The following RNF213 variants were observed in gnomAD, a reference collection of about 807,000 sequenced individuals.
The protein encoded by RNF213 is E3 ubiquitin-protein ligase RNF213.
Under a neutral mutation model 514.4 loss-of-function variants are expected in RNF213, and 341 were observed. The observed-to-expected ratio is 0.66, with a 90% confidence interval of 0.61 to 0.73. The LOEUF is 0.73. Among genes scored for constraint, RNF213 ranks in the 30% least tolerant of loss-of-function variants. The pLI, the probability that RNF213 is intolerant of heterozygous loss-of-function variation, is 0.00. For missense variants in RNF213, 5,767 were observed against 6,615.6 expected (o/e 0.87, Z 4.45); for synonymous variants, 2,655 against 2,658.2 (o/e 1.00, Z 0.04).
chr17:80,324,709 G>A (rs1568073215), intron 17 of RNF213, among the ~76,000 whole-genome samples: 1 of 151,752 alleles, frequency 6.6e-6, no homozygotes, highest in Admixed American at 6.6e-5. Flanking sequence ...TTCATTTTTG[G>A]TATTTTTCAT....
At chr17:80,327,135 C>A (rs1179613086) in intron 18 of RNF213, among the ~76,000 whole-genome samples, 5 of 152,168 alleles carry the variant, frequency 3.3e-5, no homozygotes, top group African/African-American at 1.2e-4. Context: ...TCCTCTGGTG[C>A]AGTTTCTTCT....
intron 15 of RNF213, chr17:80,316,249 C>T (rs541233216): frequency 6.6e-6 from 1 of 151,934 alleles, no homozygotes; most frequent in African/African-American, 2.4e-5. Context: ...GAGACCCTGT[C>T]TCTTAAAATA....
chr17:80,374,555 A>G lies in RNF213; in HGVS notation c.13040A>G (p.Glu4347Gly). The G allele has an allele frequency of 6.2e-7, 1 of 1,614,190 alleles. No individual in the cohort carries two copies. Among genetic ancestry groups the G allele is most frequent in the Non-Finnish European group, 8.5e-7 (1 of 1,180,030 alleles). Residue 4347 changes from glutamate to glycine, a missense_variant, in exon 50 of 68, where the codon GAG (glutamate) becomes GGG (glycine). Glu to Gly is a moderately conservative substitution (Grantham distance 98). Around this residue, in one of 13 missense-constraint regions of RNF213, gnomAD observed 1,245 missense variants for 1,339.0 expected, o/e 0.93. Transcript: ENST00000582970. ...LRDAVAKAVL[E>G]CKPLGIKTAL... ...GATGCTGTGGCCAAAGCTGTCCTCG[A>G]GTGCAAGCCACTGGGCATTAAGACT...
At chr17:80,335,619 G>A (rs1411690202) in intron 22 of RNF213, among the ~76,000 whole-genome samples, 2 of 152,142 alleles carry the variant, frequency 1.3e-5, no homozygotes, top group African/African-American at 4.8e-5. Flanking sequence ...ACACAGAAGT[G>A]CAGTACAGTG....
chr17:80,360,199 C>G lies in RNF213; in HGVS notation c.11193C>G (p.Asp3731Glu), dbSNP rs141625043. The G allele has an allele frequency of 1.2e-6, 2 of 1,612,772 alleles. No homozygotes were observed. Among genetic ancestry groups the G allele is most frequent in the East Asian group, 2.2e-5 (1 of 44,866 alleles). The change falls in exon 38 of 68, where the codon GAC becomes GAG. Residue 3731 changes from aspartate (D) to glutamate (E), a missense_variant. Physicochemically the swap from Asp to Glu is conservative, Grantham distance 45. Transcript: ENST00000582970. ...ELWVQAQYIT[D>E]AEGLPKKFVD... ...GGGTCCAGGCTCAGTACATCACAGA[C>G]GCAGAAGGTGAGGCTACCTCAAGAC...
chr17:80,275,798 G>T (rs1367919971), intron 3 of RNF213, among the ~76,000 whole-genome samples: 2 of 152,068 alleles, frequency 1.3e-5, no homozygotes, highest in Non-Finnish European at 2.9e-5. Context: ...GAGTAGCTGG[G>T]ACTACAGGCA....
At chr17:80,354,668 G>A in intron 36 of RNF213, 92 bp downstream of exon 36, 7 of 1,478,682 alleles carry the variant, frequency 4.7e-6, no homozygotes, top group Non-Finnish European at 6.6e-6. Flanking sequence ...CGGGCCATGG[G>A]GACTGAGCTG....
chr17:80,346,117 C>G lies in RNF213; in HGVS notation c.7782C>G (p.Ile2594Met), dbSNP rs745974784. 68 of 1,614,048 alleles carry G rather than the reference C, an allele frequency of 4.2e-5. No homozygotes were observed. Among genetic ancestry groups the G allele is most frequent in the Non-Finnish European group, 5.6e-5 (66 of 1,180,044 alleles). Residue 2594 changes from isoleucine to methionine, a missense_variant, in exon 29 of 68, where the codon ATC becomes ATG. By Grantham distance (10) the Ile-to-Met change is conservative. Transcript: ENST00000582970. The surrounding 1 kb of genome is among the most constrained non-coding windows in gnomAD (Gnocchi z 8.1). ...GTGACGTTGCTGAAAAGCTCTACAT[C>G]CAGCAGATTGTCCAGAGACTGGTTG... Reference protein sequence around the residue: ...QLSDVAEKLYIQQIVQRLVES... With the variant: ...QLSDVAEKLYMQQIVQRLVES...
At position 80,347,661 on chromosome 17, in the gene RNF213, A is replaced by G. The variant is rs1441987115; in HGVS notation, c.9326A>G (p.Tyr3109Cys). Residue 3109 changes from tyrosine (Y) to cysteine (C), a missense_variant, in exon 29 of 68, where the codon TAC (tyrosine) becomes TGC (cysteine). Coordinates refer to ENST00000582970, the MANE Select transcript of RNF213 (RefSeq NM_001256071.3). This position sits in a 1 kb window ranked among gnomAD's most constrained non-coding sequence, Gnocchi z 7.2. Reference sequence around the variant, plus strand: ...TTGCTTCTCAACCTGCAGAACCTCTACGAGAGCCTCTACGACGCACTCAAC... The same window carrying G: ...TTGCTTCTCAACCTGCAGAACCTCTGCGAGAGCCTCTACGACGCACTCAAC... ...MVLLLNLQNLYESLYDALNQY... is the reference protein window; with the variant it reads ...MVLLLNLQNLCESLYDALNQY... The G allele has an allele frequency of 1.9e-6, 3 of 1,614,136 alleles. No homozygotes were observed. Among genetic ancestry groups the G allele is most frequent in the African/African-American group, 1.3e-5 (1 of 75,050 alleles).
At chr17:80,281,266 A>C (rs1482380496) in intron 3 of RNF213, among the ~76,000 whole-genome samples, 1 of 61,640 alleles carries the variant, frequency 1.6e-5, no homozygotes. Context: ...CCCCACTCAC[A>C]CCACTCACAC....
intron 3 of RNF213, among the ~76,000 whole-genome samples, chr17:80,282,805 C>A (rs555114708): frequency 6.6e-6 from 1 of 152,314 alleles, no homozygotes; most frequent in African/African-American, 2.4e-5. Context: ...CAAGTGATTT[C>A]TCCTGCCTCA....
At chr17:80,382,268 G>A (rs1302901793) in intron 57 of RNF213, 1 of 157,584 alleles carries the variant, frequency 6.3e-6, no homozygotes, top group African/African-American at 2.4e-5. Flanking sequence ...AGAAAGAAAA[G>A]GTCTGTAAGA....
intron 21 of RNF213, among the ~76,000 whole-genome samples, chr17:80,333,248 G>A (rs1283055444): frequency 6.7e-6 from 1 of 149,308 alleles, no homozygotes; most frequent in Non-Finnish European, 1.5e-5. Flanking sequence ...TTTTAGCAGA[G>A]ACAGGGTTTC....
intron 39 of RNF213, 101 bp downstream of exon 39, chr17:80,361,989 T>G: frequency 7.2e-7 from 1 of 1,379,588 alleles, no homozygotes; most frequent in Non-Finnish European, 1.0e-6. Context: ...GAGCTGGTGC[T>G]GTGAAGTCTG....
Position 80,363,737 on chromosome 17 carries a change from T to A in RNF213, c.11697T>A (p.Asp3899Glu). 6.2e-7 allele frequency: 1 copy of A among 1,613,938 alleles called. No homozygotes were observed. The highest frequency in any genetic ancestry group is 8.5e-7 in the Non-Finnish European group (1 of 1,180,010). Residue 3899 changes from aspartate (D) to glutamate (E), a missense_variant, in exon 41 of 68, where the codon GAT (aspartate) becomes GAA (glutamate). Physicochemically the swap from Asp to Glu is conservative, Grantham distance 45. Transcript: ENST00000582970. ...TGCCGCTGGAGCTCATCTGCTCCGATGAGCACATGCAAGGCAGCGGGAGCC... is the reference window on the plus strand; with the variant it reads ...TGCCGCTGGAGCTCATCTGCTCCGAAGAGCACATGCAAGGCAGCGGGAGCC... ...LSMPLELICSDEHMQGSGSLA... is the reference protein window; with the variant it reads ...LSMPLELICSEEHMQGSGSLA...
rs373924505 is a variant in RNF213 at position 80,389,198 on chromosome 17, G to A, written c.15026G>A (p.Ser5009Asn). 6 of 1,614,036 alleles carry A rather than the reference G, an allele frequency of 3.7e-6. No homozygotes were observed. In the African/African-American group the frequency reaches 8.0e-5, roughly 22 times the overall value. The change falls in exon 65 of 68, where the codon AGT becomes AAT. Residue 5009 changes from serine (S) to asparagine (N), a missense_variant. By Grantham distance (46) the Ser-to-Asn change is conservative. Coordinates refer to ENST00000582970, the MANE Select transcript of RNF213 (RefSeq NM_001256071.3). ...AQDSLPSSVISAISGQLQSYS... is the reference protein window; with the variant it reads ...AQDSLPSSVINAISGQLQSYS... Reference sequence around the variant, plus strand: ...GACTCCCTCCCCAGCTCGGTCATTAGTGCCATCAGTGGACAGCTGCAGTCC... The same window carrying A: ...GACTCCCTCCCCAGCTCGGTCATTAATGCCATCAGTGGACAGCTGCAGTCC...
intron 67 of RNF213, among the ~76,000 whole-genome samples, chr17:80,392,473 C>T (rs1172247778): frequency 2.0e-5 from 3 of 152,200 alleles, no homozygotes; most frequent in East Asian, 1.9e-4. Flanking sequence ...GGGCTTGCTC[C>T]GTGGGCTTCT....
chr17:80,307,634 C>A (rs537754412), intron 13 of RNF213, among the ~76,000 whole-genome samples: 58 of 150,234 alleles, frequency 3.9e-4, no homozygotes, highest in South Asian at 2.3e-3. Flanking sequence ...ACTGCAACCT[C>A]TGCTTCCCAG....
intron 45 of RNF213, 43 bp from the exon 46 acceptor site, chr17:80,369,725 G>C: frequency 1.2e-6 from 2 of 1,613,534 alleles, no homozygotes; most frequent in African/African-American, 1.3e-5. Context: ...TCTCGCTTCT[G>C]CATGTCTCAT....
Sources: allele counts gnomAD v4.1 joint callset (sites outside exome capture counted in the v4.1 genomes callset), GRCh38; gene constraint gnomAD v4.1.1; regional missense constraint gnomAD v4.1.1; non-coding constraint Gnocchi (gnomAD v3.1); transcripts MANE v1.5; gene names NCBI Gene and HGNC (gene_info 2026-07-23, HGNC 2026-07-21).